Variants in NCBP3 observed in about 807,000 individuals in gnomAD.
The protein encoded by NCBP3 is nuclear cap-binding protein subunit 3.
Under a neutral mutation model 75.7 loss-of-function variants are expected in NCBP3, and 20 were observed. The observed-to-expected ratio is 0.26, with a 90% confidence interval of 0.19 to 0.38. NCBP3 has a LOEUF of 0.38. Among genes scored for constraint, NCBP3 ranks in the 10% least tolerant of loss-of-function variants. The pLI is 1.00. For missense variants in NCBP3, 678 were observed against 796.9 expected (o/e 0.85, Z 1.80); for synonymous variants, 293 against 290.5 (o/e 1.01, Z -0.09).
At chr17:3,816,761 A>T (rs1353273835) in intron 10 of NCBP3, among the ~76,000 whole-genome samples, 1 of 152,244 alleles carries the variant, frequency 6.6e-6, no homozygotes, top group Non-Finnish European at 1.5e-5. Context: ...TAAGAATGTG[A>T]ACAGGCTCAT....
intron 1 of NCBP3, among the ~76,000 whole-genome samples, chr17:3,843,787 C>T (rs766641945): frequency 2.0e-4 from 30 of 152,268 alleles, no homozygotes; most frequent in Non-Finnish European, 3.7e-4. Context: ...CTCGGTGATC[C>T]GTCTGTCTCA....
chr17:3,808,706 A>G lies in NCBP3; in HGVS notation c.*4338T>C, dbSNP rs1302708303. 1 of 152,188 alleles carries G rather than the reference A, an allele frequency of 6.6e-6. No homozygotes were observed. The highest frequency in any genetic ancestry group is 1.5e-5 in the Non-Finnish European group (1 of 68,076). The allele number at this position is 152,188 out of a possible 1,614,324, so 9.4% of individuals were successfully genotyped here. ...GATAGACCTTGGTGAGCCTCATAAC[A>G]TGCTATCAAAAAGGGTGGAATTTAT... On this transcript the variant is annotated 3_prime_UTR_variant, in exon 13 of 13. Coordinates refer to ENST00000389005, the MANE Select transcript of NCBP3 (RefSeq NM_001114118.3).
chr17:3,831,562 ACT>A lies in NCBP3; in HGVS notation c.356-2196_356-2195del, dbSNP rs993001773. The stretch of plus-strand genomic sequence containing the variant: ...CACTCCAGCCTAGCGACGGAGCAAG[ACT>A]CTGTCTCAAAAAAAAAGGGAAAGAA... On this transcript the variant is annotated intron_variant, in intron 3 of 12. Transcript: ENST00000389005. Among the ~76,000 whole-genome samples, 14 of 91,016 alleles carry A rather than the reference ACT, an allele frequency of 1.5e-4. 5 individuals are homozygous for A. The South Asian group carries it at 2.2e-3, about 14-fold the overall frequency. The allele number at this position is 91,016 out of a possible 152,430, so 59.7% of individuals were successfully genotyped here.
At chr17:3,825,594 A>G (rs960932596) in intron 6 of NCBP3, among the ~76,000 whole-genome samples, 173 bp downstream of exon 6, 4 of 152,216 alleles carry the variant, frequency 2.6e-5, no homozygotes, top group African/African-American at 9.7e-5. Flanking sequence ...TAAGATTTCA[A>G]GGTGAATCGC....
At position 3,810,480 on chromosome 17, in the gene NCBP3, G is replaced by C. The variant is rs562695081; in HGVS notation, c.*2564C>G. On this transcript the variant is annotated 3_prime_UTR_variant, in exon 13 of 13. Coordinates refer to ENST00000389005, the MANE Select transcript of NCBP3 (RefSeq NM_001114118.3). ...CATAAGACTAAGAGGAACACACAAA[G>C]TGTGCAGCCCTGTGCCCACATGTGT... The C allele has an allele frequency of 4.6e-5, 7 of 152,222 alleles. No homozygotes were observed. The highest frequency in any genetic ancestry group is 8.8e-5 in the Non-Finnish European group (6 of 68,042). 9.4% of individuals were successfully genotyped at this position (152,222 alleles called of 1,614,324 possible).
chr17:3,829,434 A>G (rs986340293), intron 3 of NCBP3, 66 bp from the exon 4 acceptor site: 2 of 1,510,118 alleles, frequency 1.3e-6, no homozygotes, highest in African/African-American at 2.8e-5. Context: ...TCCCATCCAC[A>G]CTCCTTCCTA....
chr17:3,827,552 G>A (rs532071544), intron 4 of NCBP3, among the ~76,000 whole-genome samples: 18 of 152,264 alleles, frequency 1.2e-4, no homozygotes, highest in African/African-American at 3.6e-4. Context: ...GAAATCTTAC[G>A]GAAAATAAAC....
rs763191272 is a variant in NCBP3 at position 3,816,381 on chromosome 17, A to C, written c.1311-111T>G. The C allele has an allele frequency of 7.8e-6, 7 of 902,738 alleles. No homozygotes were observed. In the East Asian group the frequency reaches 1.8e-4, roughly 23 times the overall value. 55.9% of individuals were successfully genotyped at this position (902,738 alleles called of 1,614,324 possible). A position where few individuals can be genotyped will look rare whatever the true frequency, so the allele number is the denominator to read the frequency against. On this transcript the variant is annotated intron_variant, in intron 10 of 12. Transcript: ENST00000389005. ...AACAATTTAAGAAATCCTGTCTTAC[A>C]TGGCCAACATTCACTTACAAATCCA...
chr17:3,823,989 A>G (rs2053722005), intron 7 of NCBP3: 1 of 152,212 alleles, frequency 6.6e-6, no homozygotes, highest in African/African-American at 2.4e-5. Flanking sequence ...GTAAACCTAT[A>G]TTCTTGGAAA....
intron 3 of NCBP3, among the ~76,000 whole-genome samples, chr17:3,833,520 T>C (rs2053920490): frequency 6.6e-6 from 1 of 152,036 alleles, no homozygotes; most frequent in African/African-American, 2.4e-5. Flanking sequence ...AAAATAGACA[T>C]GTGAGGCTGG....
chr17:3,813,216 T>G lies in NCBP3; in HGVS notation c.1691A>C (p.Asp564Ala). ...KTKEKNTKKVDHRAPGAEEDD... is the reference protein window; with the variant it reads ...KTKEKNTKKVAHRAPGAEEDD... The stretch of plus-strand genomic sequence containing the variant: ...TTCCTCAGCGCCAGGCGCCCTGTGA[T>G]CCACTTTCTTCGTATTCTTTTCTTT... Residue 564 changes from aspartate to alanine, a missense_variant, in exon 13 of 13, where the codon GAT (aspartate) becomes GCT (alanine). By Grantham distance (126) the Asp-to-Ala change is moderately radical. This residue lies in a region of NCBP3 where 365 missense variants were observed against 392.7 expected (regional missense o/e 0.93). Coordinates refer to ENST00000389005, the MANE Select transcript of NCBP3 (RefSeq NM_001114118.3). The G allele has an allele frequency of 6.2e-7, 1 of 1,614,256 alleles. No homozygotes were observed. Among genetic ancestry groups the G allele is most frequent in the Non-Finnish European group, 8.5e-7 (1 of 1,180,050 alleles).
chr17:3,837,422 G>A lies in NCBP3; in HGVS notation c.355+2678C>T, dbSNP rs559216737. The stretch of plus-strand genomic sequence containing the variant: ...TGAAGCAGGAGAATCGCTTGAACCC[G>A]GGCGGCAGAGGTTGCAGTGAGCCGA... On this transcript the variant is annotated intron_variant, in intron 3 of 12. Transcript: ENST00000389005. Among the ~76,000 whole-genome samples the A allele has an allele frequency of 2.9e-4, 44 of 150,304 alleles. 1 individual carries two copies. The highest frequency in any genetic ancestry group is 7.6e-4 in the African/African-American group (31 of 40,826).
At chr17:3,816,374 G>T in intron 10 of NCBP3, 104 bp from the exon 11 acceptor site, 3 of 995,024 alleles carry the variant, frequency 3.0e-6, no homozygotes, top group Admixed American at 2.6e-5. Flanking sequence ...AAGAAATCCT[G>T]TCTTACATGG....
chr17:3,839,151 G>A (rs1043597594), intron 3 of NCBP3, among the ~76,000 whole-genome samples: 3 of 151,964 alleles, frequency 2.0e-5, no homozygotes, highest in African/African-American at 4.8e-5. Flanking sequence ...AGAAAACTGC[G>A]GCAGATTACT....
At chr17:3,836,155 T>A (rs149024047) in intron 3 of NCBP3, among the ~76,000 whole-genome samples, 1 of 152,236 alleles carries the variant, frequency 6.6e-6, no homozygotes, top group Non-Finnish European at 1.5e-5. Context: ...TAACTTGAAC[T>A]TGACGCCTAG....
chr17:3,825,831 TCTTCCTG>T lies in NCBP3; in HGVS notation c.616_622del (p.Gln206ThrfsTer21), dbSNP rs1170985499. On this transcript the variant is annotated frameshift_variant, in exon 6 of 13. Transcript: ENST00000389005. LOFTEE classifies it high-confidence loss of function. ...TTCAGCTTCATCATCATCTGAACTG[TCTTCCTG>T]CTTGTCTAAAATGGAATGTGAAGGA... 1.3e-6 allele frequency: 2 copies of T among 1,551,224 alleles called. No homozygotes were observed. Among genetic ancestry groups the T allele is most frequent in the Admixed American group, 3.9e-5 (2 of 51,006 alleles).
At chr17:3,842,796 C>T (rs958514769) in intron 2 of NCBP3, among the ~76,000 whole-genome samples, 2 of 152,104 alleles carry the variant, frequency 1.3e-5, no homozygotes, top group Admixed American at 1.3e-4. Flanking sequence ...CAGACCTGTG[C>T]TACCACACCC....
chr17:3,817,991 A>AC (rs2053578936), intron 10 of NCBP3, among the ~76,000 whole-genome samples: 3 of 152,042 alleles, frequency 2.0e-5, no homozygotes, highest in African/African-American at 7.3e-5. Flanking sequence ...ACACACACAC[A>AC]AATAGCTGAA....
chr17:3,832,288 C>T (rs1380524309), intron 3 of NCBP3, among the ~76,000 whole-genome samples: 1 of 118,966 alleles, frequency 8.4e-6, no homozygotes, highest in Non-Finnish European at 2.0e-5. Context: ...CATAAATATA[C>T]CCACCTACTA....
Sources: allele counts gnomAD v4.1 joint callset (sites outside exome capture counted in the v4.1 genomes callset), GRCh38; gene constraint gnomAD v4.1.1; regional missense constraint gnomAD v4.1.1; transcripts MANE v1.5; gene names NCBI Gene and HGNC (gene_info 2026-07-23, HGNC 2026-07-21).